AMPH: variants seen among roughly 807,000 people sequenced by gnomAD.
AMPH encodes amphiphysin.
AMPH carries 49 observed loss-of-function variants against 99.1 expected under a neutral mutation model. The ratio of observed to expected loss-of-function variants is 0.49; its 90% CI spans 0.39 to 0.63. The LOEUF (loss-of-function observed/expected upper bound fraction) is 0.63. AMPH is among the 20% of genes least tolerant of loss of function. AMPH has a pLI of 0.00. For synonymous variants in AMPH, 314 were observed against 317.3 expected (o/e 0.99, Z 0.11); for missense variants, 759 against 863.4 (o/e 0.88, Z 1.52).
intron 2 of AMPH, among the ~76,000 whole-genome samples, chr7:38,521,445 C>T (rs1316145784): frequency 2.0e-5 from 3 of 152,100 alleles, no homozygotes; most frequent in Admixed American, 1.3e-4. Flanking sequence ...CGCTTGAACC[C>T]GGCGGGCAGA....
intron 17 of AMPH, among the ~76,000 whole-genome samples, chr7:38,407,685 G>C (rs1395106101): frequency 6.6e-6 from 1 of 151,954 alleles, no homozygotes; most frequent in Admixed American, 6.6e-5. Flanking sequence ...CAAGCCATAA[G>C]TACAGAATAA....
chr7:38,555,251 A>T (rs1411512097), intron 1 of AMPH, among the ~76,000 whole-genome samples: 5 of 23,594 alleles, frequency 2.1e-4, no homozygotes, highest in African/African-American at 9.3e-4. Flanking sequence ...ACACAATTTA[A>T]AAAAAAAAAA....
intron 7 of AMPH, among the ~76,000 whole-genome samples, chr7:38,470,616 T>C (rs1196960484): frequency 2.6e-5 from 4 of 152,126 alleles, no homozygotes; most frequent in African/African-American, 9.7e-5. Context: ...CTCTCAAAGG[T>C]TCTGCTTTGA....
intron 2 of AMPH, among the ~76,000 whole-genome samples, chr7:38,509,904 A>G (rs1322225861): frequency 6.6e-6 from 1 of 152,128 alleles, no homozygotes; most frequent in Non-Finnish European, 1.5e-5. Context: ...ATAACATTCT[A>G]TCGTGACCAA....
At chr7:38,569,281 C>G (rs1312374509) in intron 1 of AMPH, among the ~76,000 whole-genome samples, 8 of 150,928 alleles carry the variant, frequency 5.3e-5, no homozygotes, top group Non-Finnish European at 1.0e-4. Flanking sequence ...AAAAGAAATG[C>G]CCCCAAATTA....
chr7:38,520,306 C>A (rs373319459), intron 2 of AMPH, among the ~76,000 whole-genome samples: 1 of 152,176 alleles, frequency 6.6e-6, no homozygotes, highest in African/African-American at 2.4e-5. Context: ...GTGATGACTT[C>A]AATCTTCAAA....
chr7:38,476,680 A>G (rs986153909), intron 6 of AMPH, among the ~76,000 whole-genome samples, 182 bp downstream of exon 6: 1 of 152,192 alleles, frequency 6.6e-6, no homozygotes, highest in African/African-American at 2.4e-5. Context: ...CCCCCATATG[A>G]ACTGTACAAT....
chr7:38,628,041 T>G (rs1004784591), intron 1 of AMPH, among the ~76,000 whole-genome samples: 64 of 152,156 alleles, frequency 4.2e-4, no homozygotes, highest in African/African-American at 1.5e-3. Context: ...CCAAACAATT[T>G]AAAAGTAAAT....
chr7:38,465,423 T>G, intron 9 of AMPH, 44 bp downstream of exon 9: 2 of 1,518,920 alleles, frequency 1.3e-6, no homozygotes, highest in Non-Finnish European at 1.8e-6. Context: ...GAAGAAATTT[T>G]AGCAAGCAGG....
At chr7:38,417,777 G>A (rs765805153) in intron 17 of AMPH, 48 bp downstream of exon 17, 2 of 1,606,392 alleles carry the variant, frequency 1.2e-6, no homozygotes, top group South Asian at 2.2e-5. Context: ...AGATGAGCAT[G>A]GCTGTGGCAG....
chr7:38,443,015 AATAT>A (rs1445907429), intron 11 of AMPH, among the ~76,000 whole-genome samples: 2 of 152,064 alleles, frequency 1.3e-5, no homozygotes, highest in South Asian at 4.1e-4. Context: ...GCAGATTACC[AATAT>A]TAGGAATGAG....
At chr7:38,577,473 T>C (rs529725815) in intron 1 of AMPH, among the ~76,000 whole-genome samples, 1 of 152,336 alleles carries the variant, frequency 6.6e-6, no homozygotes, top group South Asian at 2.1e-4. Flanking sequence ...CCTTGCGAGT[T>C]TGATTAGCGT....
Position 38,413,594 on chromosome 7 carries a change from T to C in AMPH, c.1398+4231A>G, listed in dbSNP as rs114300022. Reference sequence around the variant, plus strand: ...GAGGGGCATTGAAAATGTAACTATTTGCTAATGGGAATACAATCAAACTCA... The same window carrying C: ...GAGGGGCATTGAAAATGTAACTATTCGCTAATGGGAATACAATCAAACTCA... On this transcript the variant is annotated intron_variant, in intron 17 of 20. Transcript: ENST00000356264. 1.8e-3 allele frequency among the ~76,000 whole-genome samples: 274 copies of C among 152,294 alleles called. 1 individual carries two copies. The highest frequency in any genetic ancestry group is 6.4e-3 in the African/African-American group (267 of 41,564).
At chr7:38,477,731 A>G (rs11767573) in intron 5 of AMPH, among the ~76,000 whole-genome samples, 1 of 151,868 alleles carries the variant, frequency 6.6e-6, no homozygotes, top group East Asian at 1.9e-4. Flanking sequence ...AAAAGCTTTA[A>G]GCCGCTTGAG....
rs62446781 is a variant in AMPH at position 38,440,737 on chromosome 7, C to T, written c.1018-4349G>A. 8.8e-3 allele frequency among the ~76,000 whole-genome samples: 1,342 copies of T among 151,954 alleles called. 18 individuals are homozygous for T. The highest frequency in any genetic ancestry group is 0.014 in the Non-Finnish European group (951 of 67,922). On this transcript the variant is annotated intron_variant, in intron 11 of 20. Coordinates refer to ENST00000356264, the MANE Select transcript of AMPH (RefSeq NM_001635.4). ...AGACTGTGATAAATTAAAATGTACA[C>T]TAAAACCCTAAAGTAACAACTAAAA...
At chr7:38,630,881 G>A (rs763052092) in intron 1 of AMPH, among the ~76,000 whole-genome samples, 16 of 151,834 alleles carry the variant, frequency 1.1e-4, no homozygotes, top group Non-Finnish European at 2.4e-4. Flanking sequence ...CTGCCTGCGG[G>A]CGCGCTGGGA....
At position 38,476,848 on chromosome 7, in the gene AMPH, G is replaced by T. The variant is rs73120268; in HGVS notation, c.504+14C>A. On this transcript the variant is annotated intron_variant, in intron 6 of 20. Transcript: ENST00000356264. ...AATACGGAGAGTGGTATTCACCATG[G>T]GCTCAATCCCTACCTTAGAGATTCG... is the stretch of plus-strand genomic sequence containing the variant. The T allele has an allele frequency of 0.031, 49,549 of 1,598,640 alleles. 943 individuals carry two copies. The highest frequency in any genetic ancestry group is 0.061 in the Admixed American group (3,638 of 59,904).
chr7:38,593,416 C>T (rs528087006), intron 1 of AMPH, among the ~76,000 whole-genome samples: 1 of 152,308 alleles, frequency 6.6e-6, no homozygotes, highest in South Asian at 2.1e-4. Flanking sequence ...GGAGCAAGCC[C>T]GGCTGAATTA....
chr7:38,447,974 T>A (rs1786856249), intron 11 of AMPH, among the ~76,000 whole-genome samples: 1 of 152,022 alleles, frequency 6.6e-6, no homozygotes, highest in African/African-American at 2.4e-5. Flanking sequence ...GCAAAAGAGG[T>A]AGAGTAGGAA....
Sources: gnomAD v4.1 joint callset for allele counts (sites outside exome capture counted in the v4.1 genomes callset) on GRCh38, gnomAD v4.1.1 for gene constraint, MANE v1.5 for transcripts, NCBI Gene and HGNC (gene_info 2026-07-23, HGNC 2026-07-21) for gene names.